GPR85: variants seen among roughly 807,000 people sequenced by gnomAD.
GPR85 encodes the protein G protein-coupled receptor 85.
Under a neutral mutation model 21.3 loss-of-function variants are expected in GPR85, and 7 were observed. The observed-to-expected ratio is 0.33, with a 90% CI of 0.19 to 0.62. The LOEUF (loss-of-function observed/expected upper bound fraction) is 0.62, where lower values mean the gene tolerates loss of function less well. GPR85 is among the 20% of genes least tolerant of loss of function. The probability of loss-of-function intolerance (pLI) is 0.80; values close to 1 mark genes in which losing one functional copy is unlikely to be tolerated. For missense variants in GPR85, 299 were observed against 443.8 expected (o/e 0.67, Z 2.93); for synonymous variants, 167 against 166.1 (o/e 1.01, Z -0.04).
upstream of GPR85, among the ~76,000 whole-genome samples, chr7:113,086,863 C>A (rs958669763): frequency 1.3e-5 from 2 of 151,002 alleles, no homozygotes; most frequent in Non-Finnish European, 2.9e-5. Flanking sequence ...CCCTCAGCTT[C>A]CCGGAACCCT....
chr7:113,086,164 A>C (rs1173606128), intron 1 of GPR85, 55 bp from the exon 2 acceptor site: 1 of 99,960 alleles, frequency 1.0e-5, no homozygotes, highest in Non-Finnish European at 1.9e-5. Flanking sequence ...GTCACAAAAC[A>C]CATACACACA....
chr7:113,086,397 T>TTTTTTTTTTTTTTTTTG lies in GPR85; in HGVS notation c.-365_-364insCAAAAAAAAAAAAAAAA, dbSNP rs1794286640. ...TGATTTTTTTCTTTTTTTCTTTTTC[T>TTTTTTTTTTTTTTTTTG]TTTTTTTTTTTTTTTTTTTGTTTTT... is the stretch of plus-strand genomic sequence containing the variant. On this transcript the variant is annotated 5_prime_UTR_variant, in exon 1 of 3. The change abolishes the stop of an existing upstream ORF in the 5' untranslated region. Coordinates refer to ENST00000424100, the MANE Select transcript of GPR85 (RefSeq NM_001146267.2). The TTTTTTTTTTTTTTTTTG allele has an allele frequency of 1.8e-4, 3 of 16,298 alleles. No individual in the cohort carries two copies. The highest frequency in any genetic ancestry group is 5.5e-4 in the African/African-American group (2 of 3,604). The allele number at this position is 16,298 out of a possible 1,614,324, so 1.0% of individuals were successfully genotyped here. A position where few individuals can be genotyped will look rare whatever the true frequency, so the allele number is the denominator to read the frequency against.
upstream of GPR85, chr7:113,087,713 C>G (rs1217038908): frequency 6.6e-6 from 1 of 152,332 alleles, no homozygotes; most frequent in Non-Finnish European, 1.5e-5. Context: ...AAATAAAAAT[C>G]TTCTCTACAG....
chr7:113,083,647 T>G lies in GPR85; in HGVS notation c.1075A>C (p.Lys359Gln). 1 of 1,614,116 alleles carries G rather than the reference T, an allele frequency of 6.2e-7. No individual in the cohort carries two copies. Among genetic ancestry groups the G allele is most frequent in the Non-Finnish European group, 8.5e-7 (1 of 1,179,992 alleles). ...TAAGGTTCCCTTGGTAACCTGGATTTTCTGCAGTAAAGAAGGGTTGTGCTG... is the reference window on the plus strand; with the variant it reads ...TAAGGTTCCCTTGGTAACCTGGATTGTCTGCAGTAAAGAAGGGTTGTGCTG... ...CFSTTLLYCR[K>Q]SRLPREPYCV... The change falls in exon 3 of 3, where the codon AAA becomes CAA. Residue 359 changes from lysine (K) to glutamine (Q), a missense_variant. Lys to Gln is a moderately conservative substitution (Grantham distance 53, BLOSUM62 1). Around this residue, in one of 2 missense-constraint regions of GPR85, gnomAD observed 198 missense variants for 335.4 expected, o/e 0.59. Coordinates refer to ENST00000424100, the MANE Select transcript of GPR85 (RefSeq NM_001146267.2). This position sits in a 1 kb window ranked among gnomAD's most constrained non-coding sequence, Gnocchi z 4.4.
At position 113,084,113 on chromosome 7, in the gene GPR85, G is replaced by A. The variant is rs1032173836; in HGVS notation, c.609C>T (p.Leu203=). 6.2e-6 allele frequency: 10 copies of A among 1,614,152 alleles called. No individual in the cohort carries two copies. The highest frequency in any genetic ancestry group is 5.1e-6 in the Non-Finnish European group (6 of 1,180,036). The change falls in exon 3 of 3, where the codon CTC becomes CTT. Residue 203 remains leucine, a synonymous_variant. Transcript: ENST00000424100. ...GATCGTGGACGAAAAATATCAGCTT[G>A]AGGTAGACAAGCTGTGTGGCTAGGA... ...LILLATQLVY[L]KLIFFVHDRR...
rs765027353 is a variant in GPR85, at chr7:113,083,805, T to A, written c.917A>T (p.Tyr306Phe). ...TLWGPYLVAC[Y>F]WRVFARGPVV... is the part of the protein sequence containing the mutation. The stretch of plus-strand genomic sequence containing the variant: ...AGGCCCTCTTGCAAAAACTCTCCAA[T>A]AACAGGCCACCAGGTAGGGGCCCCA... Residue 306 changes from tyrosine (Y) to phenylalanine (F), a missense_variant, in exon 3 of 3, where the codon TAT (tyrosine) becomes TTT (phenylalanine). Tyr to Phe is a conservative substitution (Grantham distance 22). This residue lies in a region of GPR85 where 198 missense variants were observed against 335.4 expected (regional missense o/e 0.59). Coordinates refer to ENST00000424100, the MANE Select transcript of GPR85 (RefSeq NM_001146267.2). The surrounding 1 kb of genome is among the most constrained non-coding windows in gnomAD (Gnocchi z 4.4). 6.2e-7 allele frequency: 1 copy of A among 1,614,170 alleles called. No individual in the cohort carries two copies.
At position 113,082,380 on chromosome 7, in the gene GPR85, A is replaced by G. The variant is rs775945711; in HGVS notation, c.*1229T>C. Reference sequence around the variant, plus strand: ...ATGTATTTCTAAAATACCAGAAATCATAATATAAGCTTTCACAAGTTAAAA... The same window carrying G: ...ATGTATTTCTAAAATACCAGAAATCGTAATATAAGCTTTCACAAGTTAAAA... On this transcript the variant is annotated 3_prime_UTR_variant, in exon 3 of 3. Transcript: ENST00000424100. 2 of 152,644 alleles carry G rather than the reference A, an allele frequency of 1.3e-5. No individual in the cohort carries two copies. The highest frequency in any genetic ancestry group is 4.1e-4 in the South Asian group (2 of 4,834). 9.5% of individuals were successfully genotyped at this position (152,644 alleles called of 1,614,324 possible).
At position 113,084,967 on chromosome 7, in the gene GPR85, G is replaced by T. The variant is rs564295828; in HGVS notation, c.-170-76C>A. Reference sequence around the variant, plus strand: ...GATGTCAGACAGTGCTAACAAAGCTGTTCACTTATGGGGAAGCAAATAAAG... The same window carrying T: ...GATGTCAGACAGTGCTAACAAAGCTTTTCACTTATGGGGAAGCAAATAAAG... On this transcript the variant is annotated intron_variant, in intron 2 of 2. Coordinates refer to ENST00000424100, the MANE Select transcript of GPR85 (RefSeq NM_001146267.2). The T allele has an allele frequency of 1.7e-4, 68 of 394,238 alleles. 1 individual carries two copies. The highest frequency in any genetic ancestry group is 3.0e-4 in the Non-Finnish European group (64 of 216,754). The allele number at this position is 394,238 out of a possible 1,614,324, so 24.4% of individuals were successfully genotyped here.
chr7:113,084,310 A>C lies in GPR85; in HGVS notation c.412T>G (p.Cys138Gly). 6.2e-7 allele frequency: 1 copy of C among 1,614,158 alleles called. No individual in the cohort carries two copies. Among genetic ancestry groups the C allele is most frequent in the African/African-American group, 1.3e-5 (1 of 75,048 alleles). Residue 138 changes from cysteine to glycine, a missense_variant, in exon 3 of 3, where the codon TGT (cysteine) becomes GGT (glycine). Around this residue, in one of 2 missense-constraint regions of GPR85, gnomAD observed 198 missense variants for 335.4 expected, o/e 0.59. Coordinates refer to ENST00000424100, the MANE Select transcript of GPR85 (RefSeq NM_001146267.2). ...CACACCATACAGATCACAGCCAGAC[A>C]CGTCCAAAAGGTCAGCCTCTTTGTA... ...FYTKRLTFWTCLAVICMVWTL... is the reference protein window; with the variant it reads ...FYTKRLTFWTGLAVICMVWTL...
At position 113,086,335 on chromosome 7, in the gene GPR85, A is replaced by C. The variant is rs1276550704; in HGVS notation, c.-302T>G. ...ATATCCTCCTACCTGTTGGTGTTGG[A>C]TATCCCGACAGACTATAGCTTCTTT... On this transcript the variant is annotated 5_prime_UTR_variant, in exon 1 of 3. Transcript: ENST00000424100. 1 of 134,934 alleles carries C rather than the reference A, an allele frequency of 7.4e-6. No homozygotes were observed. The highest frequency in any genetic ancestry group is 2.8e-5 in the African/African-American group (1 of 35,118). 8.4% of individuals were successfully genotyped at this position (134,934 alleles called of 1,614,324 possible).
rs922583252 is a variant in GPR85, at chr7:113,082,986, A to G, written c.*623T>C. 1.3e-5 allele frequency: 2 copies of G among 152,656 alleles called. No homozygotes were observed. The highest frequency in any genetic ancestry group is 4.8e-5 in the African/African-American group (2 of 41,452). 9.5% of individuals were successfully genotyped at this position (152,656 alleles called of 1,614,324 possible). ...CTAGTAGATGAGGAAAGTGGTATTTAGAAATAGCAATGTATTAATACAAAA... is the reference window on the plus strand; with the variant it reads ...CTAGTAGATGAGGAAAGTGGTATTTGGAAATAGCAATGTATTAATACAAAA... On this transcript the variant is annotated 3_prime_UTR_variant, in exon 3 of 3. Transcript: ENST00000424100.
chr7:113,084,510 G>A lies in GPR85; in HGVS notation c.212C>T (p.Ala71Val), dbSNP rs1794221362. 2 of 1,612,706 alleles carry A rather than the reference G, an allele frequency of 1.2e-6. No individual in the cohort carries two copies. The highest frequency in any genetic ancestry group is 1.3e-5 in the African/African-American group (1 of 74,888). Residue 71 changes from alanine (A) to valine (V), a missense_variant, in exon 3 of 3, where the codon GCA becomes GTA. Transcript: ENST00000424100. ...DLCCSDILRS[A>V]ICFPFVFNSV... ...GTTGAACACAAATGGGAAACAAATTGCAGATCTGAGGATATCTGAACAGCA... is the reference window on the plus strand; with the variant it reads ...GTTGAACACAAATGGGAAACAAATTACAGATCTGAGGATATCTGAACAGCA...
Position 113,086,404 on chromosome 7 carries a change from T to TTTTGTTTTTG in GPR85, c.-372_-371insCAAAAACAAA, listed in dbSNP as rs1562996788. ...TTTCTTTTTTTCTTTTTCTTTTTTT[T>TTTTGTTTTTG]TTTTTTTTTTTTGTTTTTTGTTTTT... On this transcript the variant is annotated 5_prime_UTR_variant, in exon 1 of 3. The change creates a premature stop within an existing upstream ORF in the 5' untranslated region. Transcript: ENST00000424100. 1.1e-5 allele frequency: 1 copy of TTTTGTTTTTG among 93,740 alleles called. No homozygotes were observed. Among genetic ancestry groups the TTTTGTTTTTG allele is most frequent in the African/African-American group, 4.6e-5 (1 of 21,880 alleles). 5.8% of individuals were successfully genotyped at this position (93,740 alleles called of 1,614,324 possible). A position where few individuals can be genotyped will look rare whatever the true frequency, so the allele number is the denominator to read the frequency against.
In GPR85 at chr7:113,086,404, T is replaced by TG. The variant is rs1794289902; in HGVS notation, c.-372_-371insC. 1 of 93,740 alleles carries TG rather than the reference T, an allele frequency of 1.1e-5. No individual in the cohort carries two copies. Among genetic ancestry groups the TG allele is most frequent in the African/African-American group, 4.6e-5 (1 of 21,880 alleles). The allele number at this position is 93,740 out of a possible 1,614,324, so 5.8% of individuals were successfully genotyped here. A position where few individuals can be genotyped will look rare whatever the true frequency, so the allele number is the denominator to read the frequency against. ...TTTCTTTTTTTCTTTTTCTTTTTTT[T>TG]TTTTTTTTTTTTGTTTTTTGTTTTT... On this transcript the variant is annotated 5_prime_UTR_variant, in exon 1 of 3. An upstream open reading frame in the 5' UTR gains an earlier in-frame stop. Coordinates refer to ENST00000424100, the MANE Select transcript of GPR85 (RefSeq NM_001146267.2).
chr7:113,082,564 C>G lies in GPR85; in HGVS notation c.*1045G>C, dbSNP rs1209549430. ...TTAAAATATAAACATACATCAACTG[C>G]CTGCTTCTTAGAACAGTTTAGAAAG... On this transcript the variant is annotated 3_prime_UTR_variant, in exon 3 of 3. Transcript: ENST00000424100. 6.6e-6 allele frequency: 1 copy of G among 152,468 alleles called. No homozygotes were observed. Among genetic ancestry groups the G allele is most frequent in the Non-Finnish European group, 1.5e-5 (1 of 68,010 alleles). 9.4% of individuals were successfully genotyped at this position (152,468 alleles called of 1,614,324 possible).
Position 113,085,973 on chromosome 7 carries a change from A to G in GPR85, c.-171+19T>C, listed in dbSNP as rs1229928400. Reference sequence around the variant, plus strand: ...GAGGGTGGAGGAGGGGGAGAGGGAGAGAGACATGCATTACATACGCGAAGA... The same window carrying G: ...GAGGGTGGAGGAGGGGGAGAGGGAGGGAGACATGCATTACATACGCGAAGA... On this transcript the variant is annotated intron_variant, in intron 2 of 2. Transcript: ENST00000424100. The G allele has an allele frequency of 6.6e-6, 1 of 152,548 alleles. No individual in the cohort carries two copies. Among genetic ancestry groups the G allele is most frequent in the African/African-American group, 2.4e-5 (1 of 41,394 alleles). The allele number at this position is 152,548 out of a possible 1,614,324, so 9.4% of individuals were successfully genotyped here.
rs538672322 is a variant in GPR85, at chr7:113,085,558, C to A, written c.-171+434G>T. Among the ~76,000 whole-genome samples, 4 of 152,274 alleles carry A rather than the reference C, an allele frequency of 2.6e-5. No homozygotes were observed. In the South Asian group the frequency reaches 8.3e-4, roughly 32 times the overall value. On this transcript the variant is annotated intron_variant, in intron 2 of 2. Transcript: ENST00000424100. ...TGTAAATATTGGACAGGGAAACACA[C>A]CCAGAGGAATAATGCACTTCCATTT...
Position 113,083,792 on chromosome 7 carries a change from A to C in GPR85, c.930T>G (p.Phe310Leu). ...CCCCTGGTACTACAGGCCCTCTTGC[A>C]AAAACTCTCCAATAACAGGCCACCA... ...PYLVACYWRV[F>L]ARGPVVPGGF... The change falls in exon 3 of 3, where the codon TTT (phenylalanine) becomes TTG (leucine). Residue 310 changes from phenylalanine to leucine, a missense_variant. Phe to Leu is a conservative substitution (Grantham distance 22, BLOSUM62 0). This residue lies in a region of GPR85 where 198 missense variants were observed against 335.4 expected (regional missense o/e 0.59). Transcript: ENST00000424100. This position sits in a 1 kb window ranked among gnomAD's most constrained non-coding sequence, Gnocchi z 4.4. 6.2e-7 allele frequency: 1 copy of C among 1,614,224 alleles called. No individual in the cohort carries two copies. The highest frequency in any genetic ancestry group is 1.1e-5 in the South Asian group (1 of 91,088).
Position 113,084,182 on chromosome 7 carries a change from C to T in GPR85, c.540G>A (p.Arg180=). The change falls in exon 3 of 3, where the codon AGG becomes AGA. Residue 180 remains arginine, a synonymous_variant. Coordinates refer to ENST00000424100, the MANE Select transcript of GPR85 (RefSeq NM_001146267.2). ...DQCTFQHRSF[R]ANDSLGFMLL... ...GCATAAATCCTAAGGAATCATTAGC[C>T]CTGAAGGAGCGGTGTTGGAAGGTGC... The T allele has an allele frequency of 1.9e-6, 3 of 1,613,982 alleles. No homozygotes were observed. The highest frequency in any genetic ancestry group is 1.1e-5 in the South Asian group (1 of 91,082).
Sources: allele counts gnomAD v4.1 joint callset (sites outside exome capture counted in the v4.1 genomes callset), GRCh38; gene constraint gnomAD v4.1.1; regional missense constraint gnomAD v4.1.1; non-coding constraint Gnocchi (gnomAD v3.1); transcripts MANE v1.5; gene names NCBI Gene and HGNC (gene_info 2026-07-23, HGNC 2026-07-21).